Variants in TGIF1 observed in about 807,000 individuals in gnomAD.
TGIF1 encodes the protein homeobox protein TGIF1.
Under a neutral mutation model 19.3 loss-of-function variants are expected in TGIF1, and 4 were observed. The ratio of observed to expected loss-of-function variants is 0.21; its 90% CI spans 0.10 to 0.47. The LOEUF is 0.47. Ranked by LOEUF, TGIF1 falls within the 20% of genes least tolerant of loss-of-function variation. TGIF1 has a pLI of 0.98. For synonymous variants in TGIF1, 122 were observed against 129.3 expected (o/e 0.94, Z 0.38); for missense variants, 275 against 341.4 (o/e 0.81, Z 1.53).
At position 3,457,121 on chromosome 18, in the gene TGIF1, AG is replaced by A. The variant is rs1304007683; in HGVS notation, c.244-242del. On this transcript the variant is annotated intron_variant, in intron 2 of 2. Coordinates refer to ENST00000343820, the MANE Select transcript of TGIF1 (RefSeq NM_003244.4). The surrounding 1 kb of genome is among the most constrained non-coding windows in gnomAD (Gnocchi z 4.9). ...GTATGTCTTTTTCTTCGTCCTGAAA[AG>A]GTTTAAGTATGAAGAGACAAAAAAG... is the stretch of plus-strand genomic sequence containing the variant. 3.4e-6 allele frequency: 2 copies of A among 589,698 alleles called. No homozygotes were observed. The allele number at this position is 589,698 out of a possible 1,614,324, so 36.5% of individuals were successfully genotyped here. A position where few individuals can be genotyped will look rare whatever the true frequency, so the allele number is the denominator to read the frequency against.
chr18:3,426,658 T>C (rs775783919), intron 2 of TGIF1, among the ~76,000 whole-genome samples: 3 of 152,188 alleles, frequency 2.0e-5, no homozygotes, highest in African/African-American at 4.8e-5. Flanking sequence ...AAATGCAAAT[T>C]GGTACAACCC....
At chr18:3,429,281 T>A (rs1227617203) in intron 2 of TGIF1, among the ~76,000 whole-genome samples, 2 of 152,156 alleles carry the variant, frequency 1.3e-5, no homozygotes, top group Non-Finnish European at 2.9e-5. Flanking sequence ...CAGGCTGGTC[T>A]TGAACTTCTT....
intron 2 of TGIF1, among the ~76,000 whole-genome samples, chr18:3,423,898 CCT>C (rs1177352757): frequency 6.6e-6 from 1 of 152,050 alleles, no homozygotes; most frequent in Non-Finnish European, 1.5e-5. Flanking sequence ...CTCGTTTCTT[CCT>C]CTCTTTCCAG....
chr18:3,427,758 C>G (rs1481425978), intron 2 of TGIF1, among the ~76,000 whole-genome samples: 1 of 152,066 alleles, frequency 6.6e-6, no homozygotes, highest in African/African-American at 2.4e-5. Flanking sequence ...TGCCACCACA[C>G]CTGGCTAATT....
At chr18:3,416,173 A>G (rs904514074) in intron 1 of TGIF1, among the ~76,000 whole-genome samples, 1 of 152,230 alleles carries the variant, frequency 6.6e-6, no homozygotes, top group Admixed American at 6.5e-5. Flanking sequence ...GTAAGAGGTA[A>G]CAAAACATGG....
chr18:3,417,633 G>T (rs918412314), intron 1 of TGIF1, among the ~76,000 whole-genome samples: 1 of 151,956 alleles, frequency 6.6e-6, no homozygotes, highest in Non-Finnish European at 1.5e-5. Context: ...TGTAAATTTA[G>T]CTACCTATTC....
rs191838854 is a variant in TGIF1, at chr18:3,422,554, A to G, written c.-45+4339A>G. Among the ~76,000 whole-genome samples the G allele has an allele frequency of 1.9e-3, 284 of 151,998 alleles. 1 individual carries two copies. The highest frequency in any genetic ancestry group is 6.1e-3 in the African/African-American group (253 of 41,534). ...GTGTATATCATTTATAAAGTCTACA[A>G]TAGTGTACAGTAATATTTTGTAGGC... is the stretch of plus-strand genomic sequence containing the variant. On this transcript the variant is annotated intron_variant, in intron 2 of 3. Coordinates refer to the TGIF1 transcript ENST00000401449.
upstream of TGIF1, chr18:3,450,042 G>T (rs1175783734): frequency 2.0e-6 from 2 of 993,634 alleles, no homozygotes; most frequent in Non-Finnish European, 2.4e-6. Context: ...AGCGGCCGCC[G>T]CGCTCGGTCC....
At chr18:3,428,926 C>T (rs1488491207) in intron 2 of TGIF1, among the ~76,000 whole-genome samples, 2 of 150,330 alleles carry the variant, frequency 1.3e-5, no homozygotes, top group East Asian at 2.0e-4. Flanking sequence ...GGCGGCGTGC[C>T]CCTGTAGTCC....
rs1383161469 is a variant in TGIF1 at position 3,459,792 on chromosome 18, A to G, written c.*1852A>G. Reference sequence around the variant, plus strand: ...CTATGTTTTACTTCATTTTTTCCCTATTGAGGTTGTTACAGGTCATGGTTG... The same window carrying G: ...CTATGTTTTACTTCATTTTTTCCCTGTTGAGGTTGTTACAGGTCATGGTTG... On this transcript the variant is annotated 3_prime_UTR_variant, in exon 3 of 3. Coordinates refer to ENST00000343820, the MANE Select transcript of TGIF1 (RefSeq NM_003244.4). 1.3e-5 allele frequency: 2 copies of G among 152,186 alleles called. No homozygotes were observed. Among genetic ancestry groups the G allele is most frequent in the Admixed American group, 6.5e-5 (1 of 15,284 alleles). 9.4% of individuals were successfully genotyped at this position (152,186 alleles called of 1,614,324 possible).
At chr18:3,454,405 C>T (rs1036850695) in intron 1 of TGIF1, among the ~76,000 whole-genome samples, 19 of 151,920 alleles carry the variant, frequency 1.3e-4, no homozygotes, top group Non-Finnish European at 5.9e-5. Flanking sequence ...AGATAATAGC[C>T]TTGAGAAGAA....
intron 1 of TGIF1, chr18:3,455,226 T>C (rs2083128536): frequency 6.6e-6 from 1 of 152,228 alleles, no homozygotes; most frequent in African/African-American, 2.4e-5. Context: ...ATTTCTTTAG[T>C]CATTCGGAGT....
At chr18:3,439,554 G>T (rs1363540664) in intron 2 of TGIF1, among the ~76,000 whole-genome samples, 1 of 151,916 alleles carries the variant, frequency 6.6e-6, no homozygotes, top group Non-Finnish European at 1.5e-5. Flanking sequence ...TTTTGGTCAG[G>T]CTGGCCTTGA....
At chr18:3,448,674 C>A (rs1598889088), upstream of TGIF1, 2 of 953,892 alleles carry the variant, frequency 2.1e-6, no homozygotes, top group East Asian at 2.3e-4. Context: ...ACCACCCAGG[C>A]TTTTTAAACT....
chr18:3,415,648 A>G (rs944562848), intron 1 of TGIF1: 4 of 196,314 alleles, frequency 2.0e-5, no homozygotes, highest in African/African-American at 6.8e-5. Context: ...CTTTGGTTAC[A>G]TAAGAGTGCA....
chr18:3,456,053 C>T lies in TGIF1; in HGVS notation c.17-301C>T, dbSNP rs2049341660. On this transcript the variant is annotated intron_variant, in intron 1 of 2. Coordinates refer to ENST00000343820, the MANE Select transcript of TGIF1 (RefSeq NM_003244.4). This position sits in a 1 kb window ranked among gnomAD's most constrained non-coding sequence, Gnocchi z 4.2. ...TATTCATTTTGGGTGCAGTTTGTCT[C>T]CTCCAATGATTAGACGAAAGAGTTT... 4.6e-6 allele frequency: 2 copies of T among 433,374 alleles called. No homozygotes were observed. The highest frequency in any genetic ancestry group is 2.1e-5 in the South Asian group (1 of 46,666). 26.8% of individuals were successfully genotyped at this position (433,374 alleles called of 1,614,324 possible).
intron 2 of TGIF1, among the ~76,000 whole-genome samples, chr18:3,425,061 C>A (rs939076190): frequency 6.6e-6 from 1 of 152,206 alleles, no homozygotes; most frequent in Admixed American, 6.5e-5. Flanking sequence ...TTGGTGACAA[C>A]CTACTACTTA....
chr18:3,414,404 C>T (rs1420769229), intron 1 of TGIF1, among the ~76,000 whole-genome samples: 1 of 152,188 alleles, frequency 6.6e-6, no homozygotes, highest in Non-Finnish European at 1.5e-5. Context: ...TGTTCCAGGC[C>T]ACTCTAGCAT....
chr18:3,419,395 C>A (rs2082372073), intron 2 of TGIF1, among the ~76,000 whole-genome samples: 1 of 152,178 alleles, frequency 6.6e-6, no homozygotes, highest in Non-Finnish European at 1.5e-5. Flanking sequence ...GAATAATTAT[C>A]TTTTCCTTGA....
Sources: gnomAD v4.1 joint callset for allele counts (sites outside exome capture counted in the v4.1 genomes callset) on GRCh38, gnomAD v4.1.1 for gene constraint, Gnocchi (gnomAD v3.1) non-coding constraint, MANE v1.5 for transcripts, NCBI Gene and HGNC (gene_info 2026-07-23, HGNC 2026-07-21) for gene names.